The following FBLN2 variants were observed in gnomAD, a reference collection of about 807,000 sequenced individuals.
FBLN2 encodes fibulin 2, also known as fibulin-2.
Under a neutral mutation model 123.7 loss-of-function variants are expected in FBLN2, and 81 were observed. The ratio of observed to expected loss-of-function variants is 0.65; its 90% CI spans 0.55 to 0.79. The LOEUF (loss-of-function observed/expected upper bound fraction) is 0.79. Ranked by LOEUF, FBLN2 falls within the 30% of genes least tolerant of loss-of-function variation. The pLI is 0.00. For missense variants in FBLN2, 1,603 were observed against 1,681.3 expected (o/e 0.95, Z 0.81); for synonymous variants, 699 against 701.4 (o/e 1.00, Z 0.05).
In FBLN2 at chr3:13,618,121, C is replaced by G. The variant is rs1705698419; in HGVS notation, c.1775C>G (p.Thr592Arg). 1 of 1,613,502 alleles carries G rather than the reference C, an allele frequency of 6.2e-7. No homozygotes were observed. Among genetic ancestry groups the G allele is most frequent in the Non-Finnish European group, 8.5e-7 (1 of 1,179,906 alleles). Residue 592 changes from threonine to arginine, a missense_variant, in exon 6 of 18, where the codon ACA (threonine) becomes AGA (arginine). Thr to Arg is a moderately conservative substitution (Grantham distance 71). Transcript: ENST00000404922. ...MAGREALSLGTEAELPNSLPG... is the reference protein window; with the variant it reads ...MAGREALSLGREAELPNSLPG... The stretch of plus-strand genomic sequence containing the variant: ...GGCCGAGAGGCCCTGTCACTGGGCA[C>G]AGAGGCCGAGCTGCCGAACAGCCTG...
At chr3:13,602,569 G>A (rs1705067668) in intron 2 of FBLN2, among the ~76,000 whole-genome samples, 1 of 152,162 alleles carries the variant, frequency 6.6e-6, no homozygotes, top group Non-Finnish European at 1.5e-5. Context: ...TTTGAATAAA[G>A]TGTATGTTAT....
chr3:13,586,802 C>T (rs1246052412), intron 2 of FBLN2, among the ~76,000 whole-genome samples: 1 of 150,856 alleles, frequency 6.6e-6, no homozygotes, highest in African/African-American at 2.4e-5. Flanking sequence ...AGCCACCTCA[C>T]CCGGCCTATG....
At chr3:13,556,519 A>G (rs4684951) in intron 1 of FBLN2, among the ~76,000 whole-genome samples, 128,115 of 151,904 alleles carry the variant, frequency 0.84, 54,197 homozygotes, top group East Asian at 1. Flanking sequence ...TTTCACATAG[A>G]AATGTAGGGA....
chr3:13,599,155 A>G (rs1280921676), intron 2 of FBLN2, among the ~76,000 whole-genome samples: 1 of 152,180 alleles, frequency 6.6e-6, no homozygotes, highest in African/African-American at 2.4e-5. Flanking sequence ...AAGATGACTC[A>G]GGGATGTGGA....
chr3:13,619,644 T>C lies in FBLN2; in HGVS notation c.2054-86T>C, dbSNP rs9880738. ...GGGCCTTGTTTCTGTGTCTCACTAG[T>C]AGGTTAGAGCCAGGGATGGGGAATG... On this transcript the variant is annotated intron_variant, in intron 7 of 17. Transcript: ENST00000404922. 0.012 allele frequency: 13,417 copies of C among 1,080,238 alleles called. 1,228 individuals are homozygous for C. In the African/African-American group the frequency reaches 0.19, roughly 15 times the overall value. 66.9% of individuals were successfully genotyped at this position (1,080,238 alleles called of 1,614,324 possible). A position where few individuals can be genotyped will look rare whatever the true frequency, so the allele number is the denominator to read the frequency against.
chr3:13,610,759 C>T (rs1406919211), intron 4 of FBLN2, among the ~76,000 whole-genome samples: 2 of 152,028 alleles, frequency 1.3e-5, no homozygotes, highest in Non-Finnish European at 2.9e-5. Context: ...GAAGGCAGGG[C>T]TGAGTTAGAG....
chr3:13,601,183 T>C (rs1705020388), intron 2 of FBLN2, among the ~76,000 whole-genome samples: 1 of 152,332 alleles, frequency 6.6e-6, no homozygotes, highest in East Asian at 1.9e-4. Flanking sequence ...GTTACTGTTA[T>C]CCTCATTGGG....
intron 2 of FBLN2, among the ~76,000 whole-genome samples, chr3:13,594,981 C>A (rs1231176888): frequency 6.6e-6 from 1 of 152,214 alleles, no homozygotes; most frequent in African/African-American, 2.4e-5. Context: ...TGGAGCCATG[C>A]AGCTGGGGTG....
intron 1 of FBLN2, among the ~76,000 whole-genome samples, chr3:13,558,063 T>C (rs1439237031): frequency 6.6e-6 from 1 of 152,196 alleles, no homozygotes; most frequent in Non-Finnish European, 1.5e-5. Context: ...GAGAAATTCC[T>C]AAATTTCAGG....
At chr3:13,582,820 A>T (rs1023807655) in intron 2 of FBLN2, among the ~76,000 whole-genome samples, 1 of 152,202 alleles carries the variant, frequency 6.6e-6, no homozygotes, top group African/African-American at 2.4e-5. Context: ...TTCTGCAGGA[A>T]CTGGGGTGGC....
chr3:13,565,231 C>G (rs552437986), intron 1 of FBLN2, among the ~76,000 whole-genome samples: 1 of 152,244 alleles, frequency 6.6e-6, no homozygotes, highest in African/African-American at 2.4e-5. Context: ...CTGGTCCCCC[C>G]ACCCACAGCA....
intron 1 of FBLN2, among the ~76,000 whole-genome samples, chr3:13,557,200 A>T (rs2125032956): frequency 6.6e-6 from 1 of 152,320 alleles, no homozygotes; most frequent in East Asian, 1.9e-4. Flanking sequence ...ATGTGGCCCC[A>T]GGCGCATGTC....
chr3:13,560,127 A>G (rs1373176211), intron 1 of FBLN2, among the ~76,000 whole-genome samples: 2 of 152,260 alleles, frequency 1.3e-5, no homozygotes, highest in African/African-American at 2.4e-5. Context: ...AGTCACGGAC[A>G]TTAATCTTTG....
At chr3:13,579,458 T>C (rs144120086) in intron 2 of FBLN2, among the ~76,000 whole-genome samples, 1 of 152,372 alleles carries the variant, frequency 6.6e-6, no homozygotes, top group African/African-American at 2.4e-5. Context: ...GGAGACCCTA[T>C]AGGGCCAGGA....
At chr3:13,552,186 C>G (rs895441578) in intron 1 of FBLN2, among the ~76,000 whole-genome samples, 2 of 150,480 alleles carry the variant, frequency 1.3e-5, no homozygotes, top group African/African-American at 4.9e-5. Flanking sequence ...TCCCTTCCCC[C>G]ACACTGCTGC....
At chr3:13,601,888 C>T (rs11128647) in intron 2 of FBLN2, among the ~76,000 whole-genome samples, 62,740 of 152,036 alleles carry the variant, frequency 0.41, 13,023 homozygotes, top group Non-Finnish European at 0.43. Flanking sequence ...GCCTCCATCT[C>T]CTGGGCTCAA....
At chr3:13,609,718 C>T (rs538812860) in intron 4 of FBLN2, 76 bp downstream of exon 4, 17 of 1,517,310 alleles carry the variant, frequency 1.1e-5, no homozygotes, top group South Asian at 9.8e-5. Flanking sequence ...TGAAGGTCCT[C>T]GTGGCCCAAG....
Position 13,608,062 on chromosome 3 carries a change from G to A in FBLN2, c.1307G>A (p.Gly436Asp). The change falls in exon 3 of 18, where the codon GGC becomes GAC. Residue 436 changes from glycine (G) to aspartate (D), a missense_variant and splice_region_variant. Gly to Asp is a moderately conservative substitution (Grantham distance 94). Coordinates refer to ENST00000404922, the MANE Select transcript of FBLN2 (RefSeq NM_001004019.2). ...VHSIPRSSPE[G>D]STKDLIETCC... ...CTCTGCCTCATGTTGCTATCCACAG[G>A]CTCCACCAAGGACCTGATCGAGACT... 2 of 1,573,880 alleles carry A rather than the reference G, an allele frequency of 1.3e-6. No homozygotes were observed. The highest frequency in any genetic ancestry group is 1.7e-6 in the Non-Finnish European group (2 of 1,159,768).
chr3:13,637,896 T>A lies in FBLN2; in HGVS notation c.3673T>A (p.Phe1225Ile). Residue 1225 changes from phenylalanine (F) to isoleucine (I), a missense_variant, in exon 18 of 18, where the codon TTC (phenylalanine) becomes ATC (isoleucine). Phe to Ile is a conservative substitution (Grantham distance 21). Transcript: ENST00000404922. ...CACCTTCCTGGCCAAGATGCACATCTTCTTCACCACCTTTGCCCTGTGAGG... is the reference window on the plus strand; with the variant it reads ...CACCTTCCTGGCCAAGATGCACATCATCTTCACCACCTTTGCCCTGTGAGG... ...VTTFLAKMHI[F>I]FTTFAL The A allele has an allele frequency of 6.3e-7, 1 of 1,596,976 alleles. No homozygotes were observed. The highest frequency in any genetic ancestry group is 1.1e-5 in the South Asian group (1 of 88,722).
Sources: gnomAD v4.1 joint callset for allele counts (sites outside exome capture counted in the v4.1 genomes callset) on GRCh38, gnomAD v4.1.1 for gene constraint, MANE v1.5 for transcripts, NCBI Gene and HGNC (gene_info 2026-07-23, HGNC 2026-07-21) for gene names.